Variants in TSNARE1 observed in about 807,000 individuals in gnomAD.
TSNARE1 encodes the protein t-SNARE domain containing 1.
A neutral mutation model predicts 62.0 loss-of-function variants in TSNARE1; 49 were observed. The observed-to-expected ratio is 0.79, with a 90% CI of 0.63 to 1.00. The LOEUF (loss-of-function observed/expected upper bound fraction) is 1.00. Ranked by LOEUF, TSNARE1 falls within the 50% of genes least tolerant of loss-of-function variation. The probability of loss-of-function intolerance (pLI) is 0.00; values close to 1 mark genes in which losing one functional copy is unlikely to be tolerated. For synonymous variants in TSNARE1, 328 were observed against 294.4 expected, an observed-to-expected ratio of 1.11 and a Z score of -1.17; for missense variants, 755 against 700.1, an observed-to-expected ratio of 1.08 and a Z score of -0.88.
chr8:142,372,834 T>A (rs1476253861), intron 1 of TSNARE1, among the ~76,000 whole-genome samples: 2 of 151,806 alleles, frequency 1.3e-5, no homozygotes, highest in Non-Finnish European at 2.9e-5. Context: ...TTTCCTTCCC[T>A]GCTGTGCCTC....
chr8:142,349,257 C>T (rs1039049143), intron 2 of TSNARE1, among the ~76,000 whole-genome samples: 5 of 152,022 alleles, frequency 3.3e-5, no homozygotes, highest in Admixed American at 3.3e-4. Flanking sequence ...AAGTAAACTT[C>T]CAAGTAATTC....
chr8:142,332,118 G>A (rs1173217000), intron 4 of TSNARE1, among the ~76,000 whole-genome samples: 3 of 152,100 alleles, frequency 2.0e-5, no homozygotes, highest in African/African-American at 7.2e-5. Flanking sequence ...CAGCTGGCGT[G>A]TGTGCCCGGA....
At chr8:142,260,495 G>A (rs1466012653) in intron 12 of TSNARE1, among the ~76,000 whole-genome samples, 1 of 152,144 alleles carries the variant, frequency 6.6e-6, no homozygotes, top group African/African-American at 2.4e-5. Context: ...AGGGAGGCTG[G>A]GTGGGTTATC....
At chr8:142,312,004 C>T (rs1410896121) in intron 9 of TSNARE1, among the ~76,000 whole-genome samples, 3 of 152,224 alleles carry the variant, frequency 2.0e-5, no homozygotes, top group African/African-American at 7.2e-5. Flanking sequence ...GAATATCCCT[C>T]ATCCAGAATG....
At chr8:142,290,006 C>G (rs1471031269) in intron 10 of TSNARE1, among the ~76,000 whole-genome samples, 1 of 152,150 alleles carries the variant, frequency 6.6e-6, no homozygotes, top group African/African-American at 2.4e-5. Flanking sequence ...TCCCCCCAGG[C>G]ACTGTGGGCC....
rs1362985762 is a variant in TSNARE1 at position 142,221,829 on chromosome 8, TCA to T, written c.*11+7642_*11+7643del. On this transcript the variant is annotated intron_variant, in intron 13 of 13. Coordinates refer to ENST00000524325, the MANE Select transcript of TSNARE1 (RefSeq NM_145003.5). The stretch of plus-strand genomic sequence containing the variant: ...CTCATCCACTCACTCATTCACTCAC[TCA>T]CTCATCCACTCATTCACTCACTCAT... Among the ~76,000 whole-genome samples, 31 of 57,198 alleles carry T rather than the reference TCA, an allele frequency of 5.4e-4. 2 individuals are homozygous for T. The highest frequency in any genetic ancestry group is 1.5e-3 in the East Asian group (3 of 2,010). The allele number at this position is 57,198 out of a possible 152,430, so 37.5% of individuals were successfully genotyped here.
At chr8:142,248,888 C>T (rs977466716) in intron 12 of TSNARE1, among the ~76,000 whole-genome samples, 1 of 152,240 alleles carries the variant, frequency 6.6e-6, no homozygotes, top group Non-Finnish European at 1.5e-5. Context: ...CTGAGGGCCT[C>T]GCTCACAGGG....
chr8:142,402,503 T>G (rs961005487), intron 1 of TSNARE1, among the ~76,000 whole-genome samples: 1 of 151,888 alleles, frequency 6.6e-6, no homozygotes, highest in African/African-American at 2.4e-5. Flanking sequence ...CCCTGGAGAG[T>G]TTCTGCGGGG....
chr8:142,308,441 G>C (rs186488890), intron 9 of TSNARE1, among the ~76,000 whole-genome samples: 1 of 152,144 alleles, frequency 6.6e-6, no homozygotes, highest in African/African-American at 2.4e-5. Context: ...CGAGTGATCC[G>C]TATCAAGCTC....
intron 1 of TSNARE1, among the ~76,000 whole-genome samples, chr8:142,355,024 C>T (rs1163064983): frequency 1.3e-5 from 2 of 152,154 alleles, no homozygotes; most frequent in Non-Finnish European, 2.9e-5. Flanking sequence ...CCCCTCCCCT[C>T]CCAAGAGGGA....
At chr8:142,272,465 CATCCAACT>C (rs1819712642) in intron 12 of TSNARE1, 1 of 113,044 alleles carries the variant, frequency 8.8e-6, no homozygotes, top group African/African-American at 6.8e-5. Context: ...TCCATCCACC[CATCCAACT>C]GCCCGTCTAC....
At chr8:142,374,217 T>C (rs1260577796) in intron 1 of TSNARE1, among the ~76,000 whole-genome samples, 3 of 150,734 alleles carry the variant, frequency 2.0e-5, no homozygotes, top group Non-Finnish European at 4.4e-5. Flanking sequence ...GGCAGGAGAA[T>C]CGCTTGAACC....
At chr8:142,304,261 C>T (rs752419315) in intron 9 of TSNARE1, among the ~76,000 whole-genome samples, 43 of 152,236 alleles carry the variant, frequency 2.8e-4, no homozygotes, top group Admixed American at 3.9e-4. Context: ...GGCCTCGCGC[C>T]AAGCCCAGCA....
chr8:142,282,870 G>A (rs1419577154), intron 11 of TSNARE1, among the ~76,000 whole-genome samples: 3 of 121,910 alleles, frequency 2.5e-5, no homozygotes, highest in Non-Finnish European at 5.1e-5. Context: ...TGAGCAGAGG[G>A]GAGGCCACTG....
chr8:142,335,261 C>T (rs1831594032), intron 4 of TSNARE1, among the ~76,000 whole-genome samples: 1 of 151,700 alleles, frequency 6.6e-6, no homozygotes, highest in Admixed American at 6.6e-5. Flanking sequence ...GAAACCATGT[C>T]AACGAGGCAG....
intron 1 of TSNARE1, among the ~76,000 whole-genome samples, chr8:142,389,308 G>A (rs1246095169): frequency 1.3e-5 from 2 of 152,080 alleles, no homozygotes; most frequent in African/African-American, 2.4e-5. Flanking sequence ...GAAGAAAAGG[G>A]AGCAAAAGCT....
intron 12 of TSNARE1, among the ~76,000 whole-genome samples, chr8:142,260,263 C>T (rs1818790872): frequency 6.6e-6 from 1 of 152,088 alleles, no homozygotes; most frequent in Non-Finnish European, 1.5e-5. Context: ...ATGATTTCAG[C>T]ACAACTAGCT....
chr8:142,318,758 G>C, intron 6 of TSNARE1, 124 bp from the exon 7 acceptor site: 2 of 809,690 alleles, frequency 2.5e-6, no homozygotes, highest in East Asian at 2.6e-5. Flanking sequence ...CAGATGGATG[G>C]ACAGGCGGAG....
At chr8:142,377,351 T>TAA (rs561162281) in intron 1 of TSNARE1, among the ~76,000 whole-genome samples, 2 of 134,894 alleles carry the variant, frequency 1.5e-5, no homozygotes, top group African/African-American at 5.4e-5. Flanking sequence ...GGCAGCATAC[T>TAA]AAAAAAAAAA....
Sources: gnomAD v4.1 joint callset for allele counts (sites outside exome capture counted in the v4.1 genomes callset) on GRCh38, gnomAD v4.1.1 for gene constraint, MANE v1.5 for transcripts, NCBI Gene and HGNC (gene_info 2026-07-23, HGNC 2026-07-21) for gene names.